Variants in KCTD16 observed in about 807,000 individuals in gnomAD.
KCTD16 encodes BTB/POZ domain-containing protein KCTD16.
A neutral mutation model predicts 33.2 loss-of-function variants in KCTD16; 13 were observed. That is an observed-to-expected ratio of 0.39 (90% CI 0.25 to 0.62). KCTD16 has a LOEUF of 0.62. Among genes scored for constraint, KCTD16 ranks in the 20% least tolerant of loss-of-function variants. The probability of loss-of-function intolerance (pLI) is 0.50; values close to 1 mark genes in which losing one functional copy is unlikely to be tolerated. For synonymous variants in KCTD16, 197 were observed against 195.3 expected (o/e 1.01, Z -0.07); for missense variants, 441 against 525.1 (o/e 0.84, Z 1.57).
At chr5:144,352,851 T>G (rs1250674039) in intron 3 of KCTD16, among the ~76,000 whole-genome samples, 1 of 152,238 alleles carries the variant, frequency 6.6e-6, no homozygotes, top group Non-Finnish European at 1.5e-5. Context: ...CAGCCATTTA[T>G]TTTTAATCTC....
chr5:144,464,923 A>G (rs1561617989), intron 3 of KCTD16, among the ~76,000 whole-genome samples: 1 of 152,168 alleles, frequency 6.6e-6, no homozygotes, highest in African/African-American at 2.4e-5. Flanking sequence ...CCAAAAATAT[A>G]TGCATTTTAA....
At chr5:144,435,563 CAA>C (rs1414106146) in intron 3 of KCTD16, among the ~76,000 whole-genome samples, 4 of 152,260 alleles carry the variant, frequency 2.6e-5, no homozygotes, top group Admixed American at 6.5e-5. Flanking sequence ...ATATTACAAA[CAA>C]AATTCTGCAA....
intron 3 of KCTD16, among the ~76,000 whole-genome samples, chr5:144,219,951 ACT>A (rs1434904021): frequency 1.3e-5 from 2 of 152,194 alleles, no homozygotes; most frequent in Non-Finnish European, 2.9e-5. Context: ...CACTGGTCTA[ACT>A]CTGCACTGTT....
intron 3 of KCTD16, among the ~76,000 whole-genome samples, chr5:144,285,083 G>C (rs1755709139): frequency 6.6e-6 from 1 of 152,178 alleles, no homozygotes; most frequent in African/African-American, 2.4e-5. Flanking sequence ...AGGATGGTGT[G>C]AGAAGGTCTT....
At chr5:144,408,083 G>A (rs1752851891) in intron 3 of KCTD16, among the ~76,000 whole-genome samples, 1 of 152,116 alleles carries the variant, frequency 6.6e-6, no homozygotes, top group South Asian at 2.1e-4. Flanking sequence ...TGGGCCAAAT[G>A]GTATTTCTGG....
chr5:144,348,625 C>G (rs1389445765), intron 3 of KCTD16, among the ~76,000 whole-genome samples: 6 of 152,160 alleles, frequency 3.9e-5, no homozygotes, highest in Non-Finnish European at 8.8e-5. Flanking sequence ...TTTCCGTGCT[C>G]ACTCCTATGG....
In KCTD16 at chr5:144,422,581, TG is replaced by T. The variant is rs1246908582; in HGVS notation, c.833-51076del. 4.1e-4 allele frequency among the ~76,000 whole-genome samples: 63 copies of T among 152,246 alleles called. 1 individual carries two copies. The highest frequency in any genetic ancestry group is 1.8e-4 in the Non-Finnish European group (12 of 68,016). The stretch of plus-strand genomic sequence containing the variant: ...TTCTGGTTGTCTAGTTGGGGAAATG[TG>T]GGATAGTATTGAACAACAGCAAAAG... On this transcript the variant is annotated intron_variant, in intron 3 of 3. Coordinates refer to ENST00000512467, the MANE Select transcript of KCTD16 (RefSeq NM_020768.4).
intron 3 of KCTD16, among the ~76,000 whole-genome samples, chr5:144,367,238 T>C (rs1307235651): frequency 6.6e-6 from 1 of 152,042 alleles, no homozygotes. Context: ...ACAGGTAAAT[T>C]ATGGATTTGG....
At chr5:144,377,847 A>G (rs1305374210) in intron 3 of KCTD16, 1 of 152,104 alleles carries the variant, frequency 6.6e-6, no homozygotes, top group East Asian at 1.9e-4. Context: ...CCTTTCCACA[A>G]TGCCATGATT....
chr5:144,258,891 CAT>C (rs1460156461), intron 3 of KCTD16, among the ~76,000 whole-genome samples: 3 of 152,066 alleles, frequency 2.0e-5, no homozygotes, highest in Non-Finnish European at 4.4e-5. Flanking sequence ...GAAGTGGACT[CAT>C]GTGTGTCTGT....
At chr5:144,314,403 C>G (rs758304581) in intron 3 of KCTD16, among the ~76,000 whole-genome samples, 8 of 152,136 alleles carry the variant, frequency 5.3e-5, no homozygotes, top group Admixed American at 2.0e-4. Flanking sequence ...AGTTCCTAGG[C>G]TGTATCATTT....
intron 3 of KCTD16, among the ~76,000 whole-genome samples, chr5:144,420,311 C>T (rs181412270): frequency 6.6e-6 from 1 of 151,978 alleles, no homozygotes; most frequent in Non-Finnish European, 1.5e-5. Flanking sequence ...AGGAAAGAGG[C>T]AGATTATGGT....
At chr5:144,420,529 T>A (rs745649001) in intron 3 of KCTD16, among the ~76,000 whole-genome samples, 5 of 152,142 alleles carry the variant, frequency 3.3e-5, no homozygotes, top group Non-Finnish European at 5.9e-5. Flanking sequence ...TGTGTGTGTG[T>A]GTGTGCACAC....
chr5:144,411,813 C>T lies in KCTD16; in HGVS notation c.833-61847C>T, dbSNP rs566516096. On this transcript the variant is annotated intron_variant, in intron 3 of 3. Transcript: ENST00000512467. Reference sequence around the variant, plus strand: ...ACAAGAGATTAATAACCACAACATACAAGGAGCTCAAGCAACTCAATAGCA... The same window carrying T: ...ACAAGAGATTAATAACCACAACATATAAGGAGCTCAAGCAACTCAATAGCA... Among the ~76,000 whole-genome samples, 251 of 152,080 alleles carry T rather than the reference C, an allele frequency of 1.7e-3. 2 individuals are homozygous for T. Among genetic ancestry groups the T allele is most frequent in the Non-Finnish European group, 7.5e-4 (51 of 67,980 alleles).
At chr5:144,312,296 G>A (rs571266926) in intron 3 of KCTD16, among the ~76,000 whole-genome samples, 1 of 152,250 alleles carries the variant, frequency 6.6e-6, no homozygotes, top group East Asian at 1.9e-4. Flanking sequence ...GGCCCCATTA[G>A]TAATGTCCAT....
At chr5:144,327,367 A>G (rs1013763042) in intron 3 of KCTD16, among the ~76,000 whole-genome samples, 1 of 151,986 alleles carries the variant, frequency 6.6e-6, no homozygotes, top group Non-Finnish European at 1.5e-5. Context: ...TGCTCCTCCA[A>G]GTCTAATGCT....
At chr5:144,360,983 CA>C (rs1751699177) in intron 3 of KCTD16, among the ~76,000 whole-genome samples, 1 of 151,156 alleles carries the variant, frequency 6.6e-6, no homozygotes, top group African/African-American at 2.4e-5. Flanking sequence ...ATACATGTGC[CA>C]TGCTGGTGTG....
chr5:144,243,045 A>G (rs934721151), intron 3 of KCTD16, among the ~76,000 whole-genome samples: 2 of 152,176 alleles, frequency 1.3e-5, no homozygotes, highest in South Asian at 2.1e-4. Context: ...AACATATTAC[A>G]TTTAATATTT....
At chr5:144,300,736 A>G (rs1367324525) in intron 3 of KCTD16, among the ~76,000 whole-genome samples, 1 of 152,208 alleles carries the variant, frequency 6.6e-6, no homozygotes, top group Non-Finnish European at 1.5e-5. Context: ...TGGGCAAAAC[A>G]GGAGAGTCCA....
Sources: gnomAD v4.1 joint callset for allele counts (sites outside exome capture counted in the v4.1 genomes callset) on GRCh38, gnomAD v4.1.1 for gene constraint, MANE v1.5 for transcripts, NCBI Gene and HGNC (gene_info 2026-07-23, HGNC 2026-07-21) for gene names.